PTPN3: variants seen among roughly 807,000 people sequenced by gnomAD.
PTPN3 encodes the protein protein tyrosine phosphatase non-receptor type 3.
PTPN3 carries 96 observed loss-of-function variants against 132.7 expected under a neutral mutation model. That is an observed-to-expected ratio of 0.72 (90% CI 0.61 to 0.86). The LOEUF (loss-of-function observed/expected upper bound fraction) is 0.86. Among genes scored for constraint, PTPN3 ranks in the 40% least tolerant of loss-of-function variants. The probability of loss-of-function intolerance (pLI) is 0.00; values close to 1 mark genes in which losing one functional copy is unlikely to be tolerated. For synonymous variants in PTPN3, 398 were observed against 429.0 expected (o/e 0.93, Z 0.89); for missense variants, 1,125 against 1,159.6 (o/e 0.97, Z 0.43).
intron 2 of PTPN3, among the ~76,000 whole-genome samples, chr9:109,458,955 G>A (rs1028266797): frequency 6.6e-6 from 1 of 152,196 alleles, no homozygotes; most frequent in African/African-American, 2.4e-5. Context: ...TTTGCAAAGT[G>A]TAGTAGTCAT....
At chr9:109,425,951 T>C (rs1262182336) in intron 12 of PTPN3, among the ~76,000 whole-genome samples, 1 of 149,548 alleles carries the variant, frequency 6.7e-6, no homozygotes, top group African/African-American at 2.5e-5. Context: ...GAGGCGGAGG[T>C]TGCAGTGAGC....
chr9:109,388,666 C>T (rs1839801260), intron 22 of PTPN3, among the ~76,000 whole-genome samples: 1 of 152,138 alleles, frequency 6.6e-6, no homozygotes, highest in Non-Finnish European at 1.5e-5. Context: ...AAGAAGGGGG[C>T]TGCTATCCAG....
intron 1 of PTPN3, among the ~76,000 whole-genome samples, chr9:109,483,750 G>A (rs919473112): frequency 6.6e-6 from 1 of 152,104 alleles, no homozygotes; most frequent in Non-Finnish European, 1.5e-5. Flanking sequence ...GACCCCAGAC[G>A]CCTGGAAACA....
In PTPN3 at chr9:109,391,516, G is replaced by A. The variant is rs759626279; in HGVS notation, c.1999C>T (p.Leu667=). ...CGGTTTTTGTCCAAATTTTGAGGCA[G>A]CTTTGCAAACGTGATGGCCAAACCT... The part of the protein sequence containing the change: ...KPGLAITFAK[L]PQNLDKNRYK... Residue 667 remains leucine, a synonymous_variant, in exon 20 of 26, where the codon CTG becomes TTG. Coordinates refer to ENST00000374541, the MANE Select transcript of PTPN3 (RefSeq NM_002829.4). 1 of 1,614,046 alleles carries A rather than the reference G, an allele frequency of 6.2e-7. No individual in the cohort carries two copies. Among genetic ancestry groups the A allele is most frequent in the East Asian group, 2.2e-5 (1 of 44,880 alleles).
At chr9:109,515,563 C>T in the PTPN3 span, among the ~76,000 whole-genome samples, 1 of 152,140 alleles carries the variant, frequency 6.6e-6, no homozygotes, top group African/African-American at 2.4e-5. Flanking sequence ...TAAAGGAATA[C>T]CTGAGACTGG....
chr9:109,426,779 C>T (rs1170610564), intron 12 of PTPN3, among the ~76,000 whole-genome samples, 171 bp downstream of exon 12: 1 of 152,148 alleles, frequency 6.6e-6, no homozygotes, highest in Non-Finnish European at 1.5e-5. Flanking sequence ...TGAGATATCC[C>T]TTAGACACTG....
the PTPN3 span, among the ~76,000 whole-genome samples, chr9:109,525,712 G>A: frequency 6.6e-6 from 1 of 152,232 alleles, no homozygotes; most frequent in Non-Finnish European, 1.5e-5. Context: ...TGTTCAGGAA[G>A]GGTCTAGCAA....
intron 1 of PTPN3, among the ~76,000 whole-genome samples, chr9:109,473,469 A>G (rs928998096): frequency 6.6e-5 from 10 of 152,198 alleles, no homozygotes; most frequent in Admixed American, 2.0e-4. Context: ...TAACAAAATA[A>G]AAGTTATACT....
chr9:109,490,765 G>C (rs1226646227), intron 1 of PTPN3, among the ~76,000 whole-genome samples: 1 of 151,556 alleles, frequency 6.6e-6, no homozygotes, highest in Non-Finnish European at 1.5e-5. Flanking sequence ...AAAAAGTCAA[G>C]GTCCTGAAGG....
intron 19 of PTPN3, among the ~76,000 whole-genome samples, chr9:109,403,680 AAAC>A (rs1377667180): frequency 6.6e-6 from 1 of 152,210 alleles, no homozygotes; most frequent in Non-Finnish European, 1.5e-5. Flanking sequence ...TCTCTATTTT[AAAC>A]AACGACAACA....
intron 16 of PTPN3, among the ~76,000 whole-genome samples, chr9:109,408,747 C>T (rs1294220470): frequency 8.5e-5 from 12 of 141,846 alleles, no homozygotes; most frequent in African/African-American, 1.3e-4. Flanking sequence ...CAAACCTGCA[C>T]GTTGTGCACA....
Position 109,379,268 on chromosome 9 carries a change from T to C in PTPN3, c.*288A>G, listed in dbSNP as rs1235311542. ...TTGCTCCAGGATGCCGACAGGGGTG[T>C]GTGTGGTGATGTTAGGGAAGAAGGC... On this transcript the variant is annotated 3_prime_UTR_variant, in exon 26 of 26. Coordinates refer to ENST00000374541, the MANE Select transcript of PTPN3 (RefSeq NM_002829.4). 5 of 352,680 alleles carry C rather than the reference T, an allele frequency of 1.4e-5. 1 individual carries two copies. The highest frequency in any genetic ancestry group is 4.2e-5 in the African/African-American group (2 of 47,616). 21.8% of individuals were successfully genotyped at this position (352,680 alleles called of 1,614,324 possible). A position where few individuals can be genotyped will look rare whatever the true frequency, so the allele number is the denominator to read the frequency against.
chr9:109,406,176 C>T (rs371562227), intron 18 of PTPN3, among the ~76,000 whole-genome samples: 7 of 152,104 alleles, frequency 4.6e-5, no homozygotes, highest in African/African-American at 1.2e-4. Flanking sequence ...ATGTGGGCTG[C>T]GCTGGGCCTG....
intron 1 of PTPN3, among the ~76,000 whole-genome samples, chr9:109,481,376 A>C (rs1365081133): frequency 2.0e-5 from 3 of 152,144 alleles, no homozygotes; most frequent in African/African-American, 7.2e-5. Flanking sequence ...AAATCTCCAA[A>C]GGGGATGGGG....
the PTPN3 span, among the ~76,000 whole-genome samples, chr9:109,535,074 G>A: frequency 1.3e-5 from 2 of 152,192 alleles, no homozygotes; most frequent in Non-Finnish European, 2.9e-5. Flanking sequence ...TCTGTGGGAT[G>A]CCAGAGCTGG....
chr9:109,451,271 T>C (rs1845229297), intron 5 of PTPN3: 2 of 985,208 alleles, frequency 2.0e-6, no homozygotes, highest in Non-Finnish European at 2.4e-6. Flanking sequence ...ACCAGCTCTA[T>C]AAGAGTTATG....
chr9:109,451,454 G>A, intron 5 of PTPN3: 1 of 903,026 alleles, frequency 1.1e-6, no homozygotes, highest in Non-Finnish European at 1.3e-6. Flanking sequence ...GACACACACT[G>A]TTTATTACTC....
chr9:109,401,449 G>C (rs1178654275), intron 19 of PTPN3, among the ~76,000 whole-genome samples: 1 of 152,254 alleles, frequency 6.6e-6, no homozygotes, highest in Non-Finnish European at 1.5e-5. Context: ...ACAGGTAGGG[G>C]ACAGGGTGGG....
chr9:109,395,854 ATTTTTTTTTT>A (rs200143586), intron 19 of PTPN3, among the ~76,000 whole-genome samples: 12 of 106,116 alleles, frequency 1.1e-4, no homozygotes, highest in Admixed American at 9.3e-4. Context: ...TCAAGTTCCT[ATTTTTTTTTT>A]TTTTTTTTTT....
Sources: gnomAD v4.1 joint callset for allele counts (sites outside exome capture counted in the v4.1 genomes callset) on GRCh38, gnomAD v4.1.1 for gene constraint, MANE v1.5 for transcripts, NCBI Gene and HGNC (gene_info 2026-07-23, HGNC 2026-07-21) for gene names.